Variants in NBPF3 observed in about 807,000 individuals in gnomAD.
NBPF3 encodes NBPF member 3.
In NBPF3, 57 loss-of-function variants were observed where a neutral mutation model predicts 78.1. That is an observed-to-expected ratio of 0.73 (90% CI 0.59 to 0.91). The LOEUF is 0.91. NBPF3 is among the 40% of genes least tolerant of loss of function. The pLI, the probability that NBPF3 is intolerant of heterozygous loss-of-function variation, is 0.00. For missense variants in NBPF3, 510 were observed against 715.3 expected, an observed-to-expected ratio of 0.71 and a Z score of 3.27; for synonymous variants, 182 against 271.7, an observed-to-expected ratio of 0.67 and a Z score of 3.25.
chr1:21,478,543 ACTGT>A (rs997896827), intron 9 of NBPF3, among the ~76,000 whole-genome samples: 3 of 152,250 alleles, frequency 2.0e-5, no homozygotes, highest in Non-Finnish European at 4.4e-5. Context: ...CCCTGGACTG[ACTGT>A]CAGGACACTG....
chr1:21,445,191 C>T lies in NBPF3; in HGVS notation c.105C>T (p.Gly35=). 1 of 1,611,834 alleles carries T rather than the reference C, an allele frequency of 6.2e-7. No individual in the cohort carries two copies. Among genetic ancestry groups the T allele is most frequent in the South Asian group, 1.1e-5 (1 of 90,962 alleles). ...CAAGAGCAGCCTCACATGGTGTGGG[C>T]CGACATCAAGAGCTGCGAGATCCAA... ...GAPRAASHGV[G]RHQELRDPTV... The change falls in exon 2 of 15, where the codon GGC becomes GGT. Residue 35 remains glycine (G), a synonymous_variant. Coordinates refer to ENST00000318249, the MANE Select transcript of NBPF3 (RefSeq NM_032264.6).
chr1:21,445,415 G>A (rs1265137781), intron 2 of NBPF3, among the ~76,000 whole-genome samples, 196 bp downstream of exon 2: 4 of 152,208 alleles, frequency 2.6e-5, no homozygotes, highest in Admixed American at 1.3e-4. Flanking sequence ...CTGCAGTGCC[G>A]TGGTCAGGTG....
At chr1:21,440,015 G>A (rs1640523041), upstream of NBPF3, 1 of 152,312 alleles carries the variant, frequency 6.6e-6, no homozygotes, top group Non-Finnish European at 1.5e-5. Context: ...CGAACCTGTT[G>A]TGCAGTAGAG....
Position 21,442,666 on chromosome 1 carries a change from T to C in NBPF3, c.-139-2282T>C, listed in dbSNP as rs552749840. Among the ~76,000 whole-genome samples the C allele has an allele frequency of 6.3e-3, 951 of 151,790 alleles. 12 individuals carry two copies. The highest frequency in any genetic ancestry group is 0.02 in the African/African-American group (831 of 41,212). On this transcript the variant is annotated intron_variant, in intron 1 of 14. Transcript: ENST00000318249. ...CTTATAACAATTTTATTTCAGTTTT[T>C]GCATTTTTTTTTTTTCAGACAGGGC...
At chr1:21,450,323 A>G (rs901562079) in intron 2 of NBPF3, among the ~76,000 whole-genome samples, 2 of 152,176 alleles carry the variant, frequency 1.3e-5, no homozygotes, top group Non-Finnish European at 2.9e-5. Context: ...TGTCTTTTCC[A>G]TCATCAACCA....
chr1:21,446,171 T>C (rs1417128212), intron 2 of NBPF3: 2 of 152,148 alleles, frequency 1.3e-5, no homozygotes, highest in Admixed American at 6.5e-5. Context: ...AACAGGGAAG[T>C]TCGTGGCCTG....
Position 21,478,197 on chromosome 1 carries a change from G to A in NBPF3, c.1046G>A (p.Gly349Asp). The change falls in exon 9 of 15, where the codon GGT becomes GAT. Residue 349 changes from glycine (G) to aspartate (D), a missense_variant. Coordinates refer to ENST00000318249, the MANE Select transcript of NBPF3 (RefSeq NM_032264.6). ...EEAPQESWDE[G>D]DWTLSIPPDM... ...GCCCCCCAGGAGTCCTGGGATGAAG[G>A]TGATTGGACTCTCTCAATTCCTCCT... The A allele has an allele frequency of 3.1e-6, 5 of 1,614,162 alleles. No individual in the cohort carries two copies. Among genetic ancestry groups the A allele is most frequent in the East Asian group, 2.2e-5 (1 of 44,886 alleles).
chr1:21,444,267 A>C (rs535817836), intron 1 of NBPF3, among the ~76,000 whole-genome samples: 2 of 152,380 alleles, frequency 1.3e-5, no homozygotes, highest in African/African-American at 4.8e-5. Flanking sequence ...CTGCCATGAA[A>C]GGAAATGTCA....
chr1:21,465,556 C>G (rs150280917), intron 2 of NBPF3, among the ~76,000 whole-genome samples: 4,537 of 152,276 alleles, frequency 0.03, 92 homozygotes, highest in Non-Finnish European at 0.045. Context: ...TTGAGGGAAC[C>G]TAGAAGTAAA....
At chr1:21,474,172 T>TTC in intron 7 of NBPF3, among the ~76,000 whole-genome samples, 1 of 152,024 alleles carries the variant, frequency 6.6e-6, no homozygotes, top group East Asian at 1.9e-4. Context: ...GCATCATAGA[T>TTC]TCTCTCTCTC....
At chr1:21,444,633 CAAGGAATCCTCCTGCCTCAGCCT>C (rs1351430681) in intron 1 of NBPF3, among the ~76,000 whole-genome samples, 5 of 152,234 alleles carry the variant, frequency 3.3e-5, no homozygotes, top group East Asian at 3.9e-4. Context: ...ACTCAAGGCT[CAAGGAATCCTCCTGCCTCAGCCT>C]AAGGAATCCT....
chr1:21,472,413 G>A (rs1422246443), intron 5 of NBPF3, among the ~76,000 whole-genome samples: 1 of 152,240 alleles, frequency 6.6e-6, no homozygotes, highest in Non-Finnish European at 1.5e-5. Context: ...GAAGCCACAT[G>A]GAGGGCCTGT....
At chr1:21,455,063 T>G (rs2147931467) in intron 2 of NBPF3, among the ~76,000 whole-genome samples, 1 of 152,308 alleles carries the variant, frequency 6.6e-6, no homozygotes, top group East Asian at 1.9e-4. Context: ...GGCCTCTCGC[T>G]GCTCCTAGAG....
At chr1:21,449,872 TG>T in intron 2 of NBPF3, 1 of 668,102 alleles carries the variant, frequency 1.5e-6, no homozygotes, top group Non-Finnish European at 1.9e-6. Flanking sequence ...GCAAGGGCTC[TG>T]AAACAGCCAC....
intron 2 of NBPF3, among the ~76,000 whole-genome samples, chr1:21,454,701 A>G (rs537287707): frequency 6.6e-6 from 1 of 152,320 alleles, no homozygotes; most frequent in Admixed American, 6.5e-5. Flanking sequence ...ACAGGCGTCA[A>G]CCATATCAGC....
rs544848010 is a variant in NBPF3, at chr1:21,460,466, C to T, written c.134-8222C>T. Among the ~76,000 whole-genome samples the T allele has an allele frequency of 1.6e-4, 25 of 152,122 alleles. No homozygotes were observed. The highest frequency in any genetic ancestry group is 3.2e-4 in the Non-Finnish European group (22 of 68,036). Reference sequence around the variant, plus strand: ...TTCAGTTCCCATCCATGAGTGAGAACGTGCTCACGCTGCTACTTCTAAATG... The same window carrying T: ...TTCAGTTCCCATCCATGAGTGAGAATGTGCTCACGCTGCTACTTCTAAATG... On this transcript the variant is annotated intron_variant, in intron 2 of 14. Coordinates refer to ENST00000318249, the MANE Select transcript of NBPF3 (RefSeq NM_032264.6). The surrounding 1 kb of genome is among the most constrained non-coding windows in gnomAD (Gnocchi z 4.2).
At chr1:21,443,544 A>T (rs914447612) in intron 1 of NBPF3, among the ~76,000 whole-genome samples, 7 of 152,340 alleles carry the variant, frequency 4.6e-5, no homozygotes, top group African/African-American at 1.7e-4. Flanking sequence ...GTGTTAAGCC[A>T]TTTAAAGGGC....
At chr1:21,452,665 G>A (rs745385920) in intron 2 of NBPF3, among the ~76,000 whole-genome samples, 2 of 152,242 alleles carry the variant, frequency 1.3e-5, no homozygotes, top group Non-Finnish European at 2.9e-5. Flanking sequence ...AGCAAAGCGT[G>A]GCTGAGGCTT....
chr1:21,457,350 A>G (rs112014189), intron 2 of NBPF3, among the ~76,000 whole-genome samples: 3,665 of 126,400 alleles, frequency 0.029, 80 homozygotes, highest in East Asian at 0.098. Flanking sequence ...GTGTGTGTGT[A>G]TATATATATA....
Sources: gnomAD v4.1 joint callset for allele counts (sites outside exome capture counted in the v4.1 genomes callset) on GRCh38, gnomAD v4.1.1 for gene constraint, Gnocchi (gnomAD v3.1) non-coding constraint, MANE v1.5 for transcripts, NCBI Gene and HGNC (gene_info 2026-07-23, HGNC 2026-07-21) for gene names.